Variants in NRG1 observed in about 807,000 individuals in gnomAD.
The protein encoded by NRG1 is neuregulin 1.
A neutral mutation model predicts 63.8 loss-of-function variants in NRG1; 18 were observed. The observed-to-expected ratio is 0.28, with a 90% CI of 0.19 to 0.42. The LOEUF (loss-of-function observed/expected upper bound fraction) is 0.42. Among genes scored for constraint, NRG1 ranks in the 10% least tolerant of loss-of-function variants. The pLI, the probability that NRG1 is intolerant of heterozygous loss-of-function variation, is 1.00. For synonymous variants in NRG1, 302 were observed against 301.3 expected (o/e 1.00, Z -0.02); for missense variants, 762 against 814.7 (o/e 0.94, Z 0.79).
Position 31,640,001 on chromosome 8 carries a change from C to A in NRG1, c.37+570C>A. 1 of 1,124,354 alleles carries A rather than the reference C, an allele frequency of 8.9e-7. No homozygotes were observed. The highest frequency in any genetic ancestry group is 1.1e-6 in the Non-Finnish European group (1 of 920,238). The allele number at this position is 1,124,354 out of a possible 1,614,324, so 69.6% of individuals were successfully genotyped here. On this transcript the variant is annotated intron_variant, in intron 1 of 10. Transcript: ENST00000519301. The surrounding 1 kb of genome is among the most constrained non-coding windows in gnomAD (Gnocchi z 6.3). ...CCTCGCACCATGAGATGGCGACGCG[C>A]CCCGCGCCGCTCCGGGCGTCCCGGC...
intron 1 of NRG1, among the ~76,000 whole-genome samples, chr8:32,214,123 AGGGGAG>A: frequency 6.6e-6 from 1 of 152,202 alleles, no homozygotes; most frequent in Admixed American, 6.5e-5. Flanking sequence ...CCTAGTAGAG[AGGGGAG>A]GGAAAACACC....
chr8:31,685,410 T>C (rs1051443041), intron 1 of NRG1, among the ~76,000 whole-genome samples: 4 of 152,164 alleles, frequency 2.6e-5, no homozygotes, highest in African/African-American at 9.6e-5. Context: ...CATATTTTGG[T>C]TAATTAGGGA....
chr8:31,896,332 T>C (rs1831574912), intron 1 of NRG1, among the ~76,000 whole-genome samples: 1 of 152,232 alleles, frequency 6.6e-6, no homozygotes, highest in Non-Finnish European at 1.5e-5. Flanking sequence ...TCTGTAATAC[T>C]CCTAATCCCT....
intron 1 of NRG1, among the ~76,000 whole-genome samples, chr8:31,810,160 T>G (rs1822745668): frequency 6.6e-6 from 1 of 152,150 alleles, no homozygotes; most frequent in South Asian, 2.1e-4. Context: ...AAATACCATA[T>G]CTGACTGTCT....
intron 1 of NRG1, among the ~76,000 whole-genome samples, chr8:32,260,067 G>A (rs534956065): frequency 5.9e-5 from 9 of 152,294 alleles, no homozygotes; most frequent in African/African-American, 1.9e-4. Context: ...TTGATAAAAT[G>A]AGTGATACTG....
intron 1 of NRG1, among the ~76,000 whole-genome samples, chr8:31,910,812 A>G (rs1832878618): frequency 6.6e-6 from 1 of 152,212 alleles, no homozygotes; most frequent in Admixed American, 6.5e-5. Context: ...AAAGTCAGCA[A>G]TGTGAAGGGA....
At chr8:31,971,846 T>C (rs1288440845) in intron 1 of NRG1, among the ~76,000 whole-genome samples, 2 of 152,154 alleles carry the variant, frequency 1.3e-5, no homozygotes, top group African/African-American at 4.8e-5. Context: ...GTTAGTAAAC[T>C]TCACTTGTCA....
At chr8:32,287,956 A>G (rs932574469) in intron 1 of NRG1, among the ~76,000 whole-genome samples, 3 of 152,198 alleles carry the variant, frequency 2.0e-5, no homozygotes, top group Non-Finnish European at 4.4e-5. Flanking sequence ...CTCTCACTAT[A>G]TATATAGCAT....
At chr8:32,501,261 T>G (rs539348197) in intron 1 of NRG1, among the ~76,000 whole-genome samples, 1 of 152,352 alleles carries the variant, frequency 6.6e-6, no homozygotes, top group Admixed American at 6.5e-5. Context: ...AAGATAATAA[T>G]GTGATACCAA....
At chr8:31,942,793 C>G (rs1326901112) in intron 1 of NRG1, among the ~76,000 whole-genome samples, 2 of 151,444 alleles carry the variant, frequency 1.3e-5, no homozygotes, top group Non-Finnish European at 1.5e-5. Context: ...GAAAAATGCT[C>G]AACATCACTA....
chr8:31,894,153 T>C (rs776371), intron 1 of NRG1, among the ~76,000 whole-genome samples: 1 of 152,162 alleles, frequency 6.6e-6, no homozygotes. Flanking sequence ...ATTGTACCCA[T>C]GTATATGGGG....
chr8:31,968,885 A>G (rs1232148913), intron 1 of NRG1, among the ~76,000 whole-genome samples: 4 of 152,238 alleles, frequency 2.6e-5, no homozygotes, highest in Admixed American at 1.3e-4. Context: ...TTACAGGCCT[A>G]TACTATAACT....
chr8:32,584,447 A>C (rs765606087), intron 1 of NRG1, among the ~76,000 whole-genome samples: 3 of 152,198 alleles, frequency 2.0e-5, no homozygotes, highest in Admixed American at 6.5e-5. Context: ...GACCCTGCTG[A>C]AGAAGGGATG....
At chr8:31,867,428 T>C (rs1036625939) in intron 1 of NRG1, among the ~76,000 whole-genome samples, 11 of 152,336 alleles carry the variant, frequency 7.2e-5, no homozygotes, top group South Asian at 2.1e-4. Context: ...TAACAATTTG[T>C]CCTTTTGAAA....
intron 1 of NRG1, among the ~76,000 whole-genome samples, chr8:32,221,930 T>G (rs1223580337): frequency 1.3e-5 from 2 of 152,174 alleles, no homozygotes; most frequent in Admixed American, 1.3e-4. Flanking sequence ...ATTCTTTACT[T>G]GTCTGTCATT....
In NRG1 at chr8:32,414,654, A is replaced by G. The variant is rs116033036; in HGVS notation, c.38-181174A>G. 3.4e-3 allele frequency among the ~76,000 whole-genome samples: 523 copies of G among 152,162 alleles called. 3 individuals carry two copies. The highest frequency in any genetic ancestry group is 0.012 in the African/African-American group (499 of 41,528). On this transcript the variant is annotated intron_variant, in intron 1 of 10. Transcript: ENST00000519301. ...GTTTTGCTCCTGTTTGTGGTACTTT[A>G]TTTCTCCCTGTAGCAGGAGAGTAGT...
At chr8:32,366,958 T>C (rs1360751310) in intron 1 of NRG1, among the ~76,000 whole-genome samples, 1 of 151,960 alleles carries the variant, frequency 6.6e-6, no homozygotes, top group African/African-American at 2.4e-5. Context: ...GTGATCTGCC[T>C]GCCTTGGCCT....
intron 1 of NRG1, among the ~76,000 whole-genome samples, chr8:32,392,943 C>T (rs1249786212): frequency 1.3e-5 from 2 of 152,100 alleles, no homozygotes; most frequent in Admixed American, 1.3e-4. Flanking sequence ...TAACTGCTCC[C>T]ATTATGCCAG....
chr8:32,686,518 G>A (rs1810168669), intron 5 of NRG1, among the ~76,000 whole-genome samples: 1 of 152,196 alleles, frequency 6.6e-6, no homozygotes, highest in African/African-American at 2.4e-5. Context: ...GCTTCTTCAT[G>A]TGTCAGCCCT....
Sources: gnomAD v4.1 joint callset for allele counts (sites outside exome capture counted in the v4.1 genomes callset) on GRCh38, gnomAD v4.1.1 for gene constraint, Gnocchi (gnomAD v3.1) non-coding constraint, MANE v1.5 for transcripts, NCBI Gene and HGNC (gene_info 2026-07-23, HGNC 2026-07-21) for gene names.